Variants in ERBB4 observed in about 807,000 individuals in gnomAD.
ERBB4 encodes erb-b2 receptor tyrosine kinase 4, also known as receptor tyrosine-protein kinase erbB-4.
A neutral mutation model predicts 158.0 loss-of-function variants in ERBB4; 42 were observed. That is an observed-to-expected ratio of 0.27 (90% CI 0.21 to 0.34). The LOEUF is 0.34. ERBB4 is among the 10% of genes least tolerant of loss of function. The pLI is 1.00. For synonymous variants in ERBB4, 583 were observed against 558.7 expected, an observed-to-expected ratio of 1.04 and a Z score of -0.61; for missense variants, 1,333 against 1,624.1, an observed-to-expected ratio of 0.82 and a Z score of 3.08.
At chr2:212,069,952 TA>T (rs1321084979) in intron 2 of ERBB4, among the ~76,000 whole-genome samples, 2 of 139,784 alleles carry the variant, frequency 1.4e-5, no homozygotes, top group Admixed American at 1.6e-4. Flanking sequence ...AACCATGTCT[TA>T]AAAAAAAGAA....
chr2:211,568,289 A>G (rs77000139), intron 19 of ERBB4, among the ~76,000 whole-genome samples: 1,647 of 152,222 alleles, frequency 0.011, 29 homozygotes, highest in African/African-American at 0.038. Flanking sequence ...AAAACCATCA[A>G]GGGACTACTG....
Position 211,383,834 on chromosome 2 carries a change from C to T in ERBB4, c.3708G>A (p.Ala1236=), listed in dbSNP as rs144821497. ...GGTTCCAGTAGTCAGGGTTGTCAAA[C>T]GCTTTCTTGGCCTTCTCTGGCATTG... ...ILSMPEKAKK[A]FDNPDYWNHS... Residue 1236 remains alanine, a synonymous_variant, in exon 28 of 28, where the codon GCG becomes GCA. Transcript: ENST00000342788. 21 of 1,613,998 alleles carry T rather than the reference C, an allele frequency of 1.3e-5. No individual in the cohort carries two copies. Among genetic ancestry groups the T allele is most frequent in the Middle Eastern group, 1.6e-4 (1 of 6,084 alleles).
At position 211,703,982 on chromosome 2, in the gene ERBB4, A is replaced by G. The variant is rs971302288; in HGVS notation, c.1289+122T>C. 5 of 745,330 alleles carry G rather than the reference A, an allele frequency of 6.7e-6. No homozygotes were observed. The African/African-American group carries it at 8.6e-5, about 13-fold the overall frequency. 46.2% of individuals were successfully genotyped at this position (745,330 alleles called of 1,614,324 possible). On this transcript the variant is annotated intron_variant, in intron 11 of 27. Coordinates refer to ENST00000342788, the MANE Select transcript of ERBB4 (RefSeq NM_005235.3). ...TTTATTGAGCTTATCTTTGGAAATA[A>G]GGATGGAAGCATGATTTCCCCAGAA...
chr2:212,155,160 GCTTGT>G (rs2080994415), intron 1 of ERBB4, among the ~76,000 whole-genome samples: 1 of 152,006 alleles, frequency 6.6e-6, no homozygotes, highest in Non-Finnish European at 1.5e-5. Context: ...TTTATTTAAA[GCTTGT>G]CTTAAGAAAA....
At chr2:211,813,090 T>G (rs942222494) in intron 3 of ERBB4, among the ~76,000 whole-genome samples, 1 of 152,138 alleles carries the variant, frequency 6.6e-6, no homozygotes. Flanking sequence ...ACCAGGTACC[T>G]CAGTTGGAAA....
intron 2 of ERBB4, among the ~76,000 whole-genome samples, chr2:212,002,565 C>T (rs1375896962): frequency 6.6e-6 from 1 of 151,956 alleles, no homozygotes; most frequent in East Asian, 1.9e-4. Flanking sequence ...AAAAGGGCCA[C>T]GTTTTGAAGG....
At chr2:211,656,730 T>A (rs1289931536) in intron 16 of ERBB4, among the ~76,000 whole-genome samples, 1 of 152,040 alleles carries the variant, frequency 6.6e-6, no homozygotes, top group Non-Finnish European at 1.5e-5. Context: ...GCAGTATGTA[T>A]TTTTTTTAAG....
chr2:211,672,190 T>G (rs924099186), intron 14 of ERBB4, among the ~76,000 whole-genome samples: 3 of 152,188 alleles, frequency 2.0e-5, no homozygotes, highest in African/African-American at 7.2e-5. Context: ...ATAAGCATTC[T>G]GGTATAAAAA....
At chr2:211,604,545 TCA>T (rs1220748010) in intron 19 of ERBB4, among the ~76,000 whole-genome samples, 4 of 152,212 alleles carry the variant, frequency 2.6e-5, no homozygotes, top group Admixed American at 2.6e-4. Context: ...ATGCCAGTGT[TCA>T]CAGTCAGTCT....
chr2:212,137,512 C>CT (rs1469250272), intron 1 of ERBB4, among the ~76,000 whole-genome samples: 23 of 152,208 alleles, frequency 1.5e-4, no homozygotes, highest in African/African-American at 5.1e-4. Context: ...TAATCTTGTT[C>CT]TTTTTTGTAG....
At chr2:211,400,998 A>T (rs534988057) in intron 25 of ERBB4, among the ~76,000 whole-genome samples, 1 of 152,270 alleles carries the variant, frequency 6.6e-6, no homozygotes, top group Admixed American at 6.5e-5. Flanking sequence ...TGTCACTGAC[A>T]TAAGTAAAAT....
intron 4 of ERBB4, among the ~76,000 whole-genome samples, chr2:211,780,146 G>T (rs2075998822): frequency 6.6e-6 from 1 of 152,126 alleles, no homozygotes; most frequent in African/African-American, 2.4e-5. Flanking sequence ...AGGATAACTT[G>T]TGCCCAGAAG....
At chr2:212,089,126 C>G (rs2078699345) in intron 2 of ERBB4, among the ~76,000 whole-genome samples, 1 of 152,046 alleles carries the variant, frequency 6.6e-6, no homozygotes, top group East Asian at 1.9e-4. Context: ...ACATTAAAAG[C>G]TAATATAAGA....
intron 1 of ERBB4, among the ~76,000 whole-genome samples, chr2:212,160,376 G>A (rs1180554150): frequency 6.6e-6 from 1 of 151,896 alleles, no homozygotes; most frequent in Non-Finnish European, 1.5e-5. Context: ...GCTCATAATT[G>A]TCCCTATACC....
At chr2:212,041,007 G>C (rs757218732) in intron 2 of ERBB4, among the ~76,000 whole-genome samples, 8 of 152,070 alleles carry the variant, frequency 5.3e-5, no homozygotes, top group Non-Finnish European at 1.0e-4. Flanking sequence ...ACCAGGAGCA[G>C]AGTCTGAAGA....
intron 25 of ERBB4, among the ~76,000 whole-genome samples, chr2:211,416,904 T>C (rs938954226): frequency 2.6e-5 from 4 of 152,102 alleles, no homozygotes. Context: ...GAGCTGACTT[T>C]CTTGCTATAG....
intron 25 of ERBB4, among the ~76,000 whole-genome samples, chr2:211,399,888 A>G (rs1039241546): frequency 4.6e-5 from 7 of 152,138 alleles, no homozygotes; most frequent in African/African-American, 1.7e-4. Context: ...CAGATGCAAA[A>G]TGTATCCTTT....
chr2:211,895,920 C>T (rs2125018363), intron 3 of ERBB4, among the ~76,000 whole-genome samples: 1 of 152,260 alleles, frequency 6.6e-6, no homozygotes, highest in South Asian at 2.1e-4. Context: ...GTTGTTCAGT[C>T]TTCACTGCAC....
At chr2:211,461,101 C>T (rs897856549) in intron 20 of ERBB4, among the ~76,000 whole-genome samples, 6 of 151,656 alleles carry the variant, frequency 4.0e-5, no homozygotes, top group African/African-American at 1.5e-4. Flanking sequence ...AAAAAAATCC[C>T]TGCTTTTGAT....
Sources: gnomAD v4.1 joint callset for allele counts (sites outside exome capture counted in the v4.1 genomes callset) on GRCh38, gnomAD v4.1.1 for gene constraint, MANE v1.5 for transcripts, NCBI Gene and HGNC (gene_info 2026-07-23, HGNC 2026-07-21) for gene names.